NTPCR: variants seen among roughly 807,000 people sequenced by gnomAD.
NTPCR encodes the protein nucleoside-triphosphatase, cancer-related, also known as cancer-related nucleoside-triphosphatase.
In NTPCR, 15 loss-of-function variants were observed where a neutral mutation model predicts 19.5. The observed-to-expected ratio is 0.77, with a 90% CI of 0.51 to 1.18. NTPCR has a LOEUF of 1.18. Among genes scored for constraint, NTPCR ranks in the 50% most tolerant of loss-of-function variants. The pLI is 0.00. For synonymous variants in NTPCR, 90 were observed against 95.8 expected, an observed-to-expected ratio of 0.94 and a Z score of 0.36; for missense variants, 206 against 240.4, an observed-to-expected ratio of 0.86 and a Z score of 0.95.
At chr1:232,960,649 G>A (rs778800613) in intron 3 of NTPCR, among the ~76,000 whole-genome samples, 7 of 152,072 alleles carry the variant, frequency 4.6e-5, no homozygotes, top group Admixed American at 6.5e-5. Context: ...GCCTGGTTAC[G>A]TTTCTTTAGG....
intron 3 of NTPCR, chr1:232,968,394 T>C (rs1668881147): frequency 6.6e-6 from 1 of 152,240 alleles, no homozygotes; most frequent in African/African-American, 2.4e-5. Flanking sequence ...GCTGTACTGC[T>C]TCCGTGCAAT....
At chr1:232,954,422 T>C (rs1668456901) in intron 1 of NTPCR, among the ~76,000 whole-genome samples, 1 of 152,250 alleles carries the variant, frequency 6.6e-6, no homozygotes, top group South Asian at 2.1e-4. Flanking sequence ...TTTGCAACTC[T>C]GTAGTATCTC....
In NTPCR at chr1:232,956,434, C is replaced by T; in HGVS notation, c.285C>T (p.Val95=). The T allele has an allele frequency of 6.2e-7, 1 of 1,609,352 alleles. No homozygotes were observed. ...LTSFEQLALP[V]LRNADCSSGP... ...CTTTTGAGCAGTTGGCACTACCCGT[C>T]TTGAGGAATGTGAGTACGTGATTTC... Residue 95 remains valine (V), a synonymous_variant, in exon 3 of 5, where the codon GTC becomes GTT. Transcript: ENST00000366628.
chr1:232,978,112 T>G, intron 4 of NTPCR, 51 bp from the exon 5 acceptor site: 2 of 1,474,372 alleles, frequency 1.4e-6, no homozygotes, highest in Non-Finnish European at 1.9e-6. Flanking sequence ...AGCACAAGAT[T>G]GAAGAAGAGG....
In NTPCR at chr1:232,969,810, T is replaced by C. The variant is rs957890322; in HGVS notation, c.295-99T>C. 3 of 985,688 alleles carry C rather than the reference T, an allele frequency of 3.0e-6. No homozygotes were observed. The African/African-American group carries it at 4.8e-5, about 16-fold the overall frequency. 61.1% of individuals were successfully genotyped at this position (985,688 alleles called of 1,614,324 possible). On this transcript the variant is annotated intron_variant, in intron 3 of 4. Transcript: ENST00000366628. ...TTGAAATCCAGTAAAAAGGTTTCTG[T>C]CTTTTTTACCTCATTGGTGAGTGAT...
intron 3 of NTPCR, 56 bp from the exon 4 acceptor site, chr1:232,969,853 G>A (rs893282095): frequency 2.1e-6 from 3 of 1,413,432 alleles, no homozygotes; most frequent in Non-Finnish European, 3.0e-6. Context: ...TGGGACCCAT[G>A]GGCCCTTTGA....
chr1:232,960,809 C>T (rs182072018), intron 3 of NTPCR, among the ~76,000 whole-genome samples: 2 of 152,134 alleles, frequency 1.3e-5, no homozygotes, highest in African/African-American at 4.8e-5. Context: ...TAACTCTTTC[C>T]TTATTTGTCA....
Position 232,959,713 on chromosome 1 carries a change from T to C in NTPCR, c.294+3270T>C, listed in dbSNP as rs1231127210. 3.3e-5 allele frequency among the ~76,000 whole-genome samples: 5 copies of C among 152,146 alleles called. No homozygotes were observed. In the East Asian group the frequency reaches 9.6e-4, roughly 29 times the overall value. ...TATAAAGGGACACAGTATTAGTTCA[T>C]AGTGCTGGGATCTATGAAAACACAA... is the stretch of plus-strand genomic sequence containing the variant. On this transcript the variant is annotated intron_variant, in intron 3 of 4. Coordinates refer to ENST00000366628, the MANE Select transcript of NTPCR (RefSeq NM_032324.3).
chr1:232,976,177 T>C, intron 4 of NTPCR: 2 of 667,102 alleles, frequency 3.0e-6, no homozygotes, highest in East Asian at 3.3e-5. Context: ...TACATATTTA[T>C]GGGGTACAGT....
intron 3 of NTPCR, chr1:232,965,339 A>T (rs974970710): frequency 6.6e-6 from 1 of 152,080 alleles, no homozygotes; most frequent in Non-Finnish European, 1.5e-5. Flanking sequence ...CTCTGGTTTG[A>T]CTCCAGCTCT....
At chr1:232,956,259 T>C in intron 2 of NTPCR, 88 bp from the exon 3 acceptor site, 1 of 855,576 alleles carries the variant, frequency 1.2e-6, no homozygotes, top group Admixed American at 2.0e-5. Flanking sequence ...TTAGCATATG[T>C]GGAATGCCAG....
In NTPCR at chr1:232,981,761, G is replaced by A. The variant is rs188348096; in HGVS notation, c.*3530G>A. 7.3e-6 allele frequency: 1 copy of A among 136,786 alleles called. No individual in the cohort carries two copies. The highest frequency in any genetic ancestry group is 2.7e-5 in the African/African-American group (1 of 36,492). 8.5% of individuals were successfully genotyped at this position (136,786 alleles called of 1,614,324 possible). A position where few individuals can be genotyped will look rare whatever the true frequency, so the allele number is the denominator to read the frequency against. ...GAGACAGAGTCTCACTCTGTCGCTT[G>A]AGCTGGAGTGCAGTGGTGCTATCTC... is the stretch of plus-strand genomic sequence containing the variant. On this transcript the variant is annotated 3_prime_UTR_variant, in exon 5 of 5. Coordinates refer to ENST00000366628, the MANE Select transcript of NTPCR (RefSeq NM_032324.3).
intron 4 of NTPCR, among the ~76,000 whole-genome samples, chr1:232,975,159 T>C (rs1160735564): frequency 6.6e-6 from 1 of 152,174 alleles, no homozygotes; most frequent in South Asian, 2.1e-4. Flanking sequence ...GACCTTGGGG[T>C]GCACATGTTC....
intron 3 of NTPCR, chr1:232,969,696 G>A (rs6658396): frequency 0.21 from 101,642 of 495,124 alleles, 10,963 homozygotes; most frequent in African/African-American, 0.24. Flanking sequence ...GCTTCCAAGA[G>A]TCCTAATGAT....
At chr1:232,957,821 G>A (rs1668554753) in intron 3 of NTPCR, among the ~76,000 whole-genome samples, 1 of 152,206 alleles carries the variant, frequency 6.6e-6, no homozygotes. Flanking sequence ...AGGGTGCTAT[G>A]AAAGGGAGGG....
At chr1:232,954,242 A>G (rs1429926775) in intron 1 of NTPCR, among the ~76,000 whole-genome samples, 2 of 152,246 alleles carry the variant, frequency 1.3e-5, no homozygotes, top group African/African-American at 2.4e-5. Context: ...CTGCATGCTC[A>G]CTGTGGCTTA....
chr1:232,973,088 C>A (rs1669027137), intron 4 of NTPCR, among the ~76,000 whole-genome samples: 1 of 152,150 alleles, frequency 6.6e-6, no homozygotes, highest in Non-Finnish European at 1.5e-5. Context: ...GTCAGCGTCC[C>A]CTTGCTACCA....
rs1172022760 is a variant in NTPCR at position 232,978,873 on chromosome 1, C to T, written c.*642C>T. On this transcript the variant is annotated 3_prime_UTR_variant, in exon 5 of 5. Transcript: ENST00000366628. The stretch of plus-strand genomic sequence containing the variant: ...ATCTGATATTCAGCCGACCAGATGA[C>T]AAGAGCTCAGGCCCACGGGTTTGCA... 1 of 152,194 alleles carries T rather than the reference C, an allele frequency of 6.6e-6. No homozygotes were observed. Among genetic ancestry groups the T allele is most frequent in the African/African-American group, 2.4e-5 (1 of 41,426 alleles). 9.4% of individuals were successfully genotyped at this position (152,194 alleles called of 1,614,324 possible).
rs1017767816 is a variant in NTPCR, at chr1:232,950,652, A to C, written c.-59A>C. The C allele has an allele frequency of 3.1e-5, 44 of 1,427,452 alleles. No homozygotes were observed. The Admixed American group carries it at 5.7e-4, about 19-fold the overall frequency. 88.4% of individuals were successfully genotyped at this position (1,427,452 alleles called of 1,614,324 possible). ...GCGACCCTGGTCCGGACCTGACCTG[A>C]ATTGCGACCCCAACCTGGACTGCTC... On this transcript the variant is annotated 5_prime_UTR_variant, in exon 1 of 5. Coordinates refer to ENST00000366628, the MANE Select transcript of NTPCR (RefSeq NM_032324.3).
Sources: gnomAD v4.1 joint callset for allele counts (sites outside exome capture counted in the v4.1 genomes callset) on GRCh38, gnomAD v4.1.1 for gene constraint, MANE v1.5 for transcripts, NCBI Gene and HGNC (gene_info 2026-07-23, HGNC 2026-07-21) for gene names.